Variants in IQCM observed in about 807,000 individuals in gnomAD.
IQCM encodes the protein IQ domain-containing protein M.
Under a neutral mutation model 57.6 loss-of-function variants are expected in IQCM, and 45 were observed. That is an observed-to-expected ratio of 0.78 (90% CI 0.62 to 1.00). The LOEUF (loss-of-function observed/expected upper bound fraction) is 1.00. Among genes scored for constraint, IQCM ranks in the 50% least tolerant of loss-of-function variants. The pLI is 0.00. For synonymous variants in IQCM, 148 were observed against 158.9 expected, an observed-to-expected ratio of 0.93 and a Z score of 0.51; for missense variants, 468 against 511.6, an observed-to-expected ratio of 0.91 and a Z score of 0.82.
At chr4:149,649,358 T>G (rs937749003) in intron 7 of IQCM, among the ~76,000 whole-genome samples, 5 of 152,048 alleles carry the variant, frequency 3.3e-5, no homozygotes, top group Admixed American at 6.6e-5. Flanking sequence ...CTGTTTCCCT[T>G]ACCTGCATGC....
At chr4:149,696,071 T>C (rs143194854) in intron 5 of IQCM, among the ~76,000 whole-genome samples, 122 of 152,278 alleles carry the variant, frequency 8.0e-4, no homozygotes, top group Non-Finnish European at 1.4e-3. Context: ...TCTCCACACT[T>C]CATAACAAAA....
chr4:149,436,768 T>C (rs1455741975), intron 12 of IQCM, among the ~76,000 whole-genome samples: 1 of 152,094 alleles, frequency 6.6e-6, no homozygotes, highest in African/African-American at 2.4e-5. Flanking sequence ...GATGTAGCAA[T>C]ACACTACTCT....
At chr4:149,470,719 G>T (rs534442364) in intron 12 of IQCM, among the ~76,000 whole-genome samples, 13 of 152,028 alleles carry the variant, frequency 8.6e-5, no homozygotes, top group African/African-American at 3.1e-4. Flanking sequence ...CCACATAGTC[G>T]GAAGTAAAGC....
intron 2 of IQCM, among the ~76,000 whole-genome samples, chr4:149,760,057 G>T (rs570793422): frequency 6.6e-6 from 1 of 151,642 alleles, no homozygotes; most frequent in East Asian, 1.9e-4. Flanking sequence ...AGGGACGGAG[G>T]AATATTAGGA....
chr4:149,519,513 T>C (rs1026330903), intron 12 of IQCM, among the ~76,000 whole-genome samples: 1 of 151,082 alleles, frequency 6.6e-6, no homozygotes, highest in African/African-American at 2.4e-5. Context: ...TCCCAGCTAA[T>C]TGGGAGGCTG....
rs186451537 is a variant in IQCM at position 149,360,616 on chromosome 4, T to G, written c.1391-8550A>C. Among the ~76,000 whole-genome samples the G allele has an allele frequency of 2.6e-3, 401 of 152,272 alleles. 4 individuals carry two copies. Among genetic ancestry groups the G allele is most frequent in the African/African-American group, 9.2e-3 (383 of 41,550 alleles). ...TCTTTCCTGTGCTATTCTCATGATA[T>G]TGAATAAGTATCATGAGATCTGATA... On this transcript the variant is annotated intron_variant, in intron 13 of 13. Transcript: ENST00000636793.
intron 13 of IQCM, among the ~76,000 whole-genome samples, chr4:149,389,824 T>A (rs1193371893): frequency 3.3e-5 from 5 of 151,922 alleles, no homozygotes; most frequent in Admixed American, 6.6e-5. Context: ...ACCTGCACAT[T>A]GTGCACATGT....
chr4:149,737,446 G>A (rs1471400064), intron 3 of IQCM, among the ~76,000 whole-genome samples: 2 of 152,216 alleles, frequency 1.3e-5, no homozygotes, highest in Non-Finnish European at 2.9e-5. Context: ...TTAATGGTAA[G>A]AACTTGGTAG....
intron 9 of IQCM, among the ~76,000 whole-genome samples, chr4:149,567,121 C>A (rs576832160): frequency 3.3e-5 from 5 of 152,060 alleles, no homozygotes; most frequent in Non-Finnish European, 7.4e-5. Context: ...CAAAAAGTTC[C>A]TTTTATCACA....
chr4:149,621,930 C>T (rs985360156), intron 7 of IQCM, among the ~76,000 whole-genome samples: 1 of 152,094 alleles, frequency 6.6e-6, no homozygotes, highest in East Asian at 1.9e-4. Context: ...AAACTATTTT[C>T]ATATTTCCAA....
At chr4:149,404,124 T>G (rs551659724) in intron 13 of IQCM, among the ~76,000 whole-genome samples, 3 of 151,984 alleles carry the variant, frequency 2.0e-5, no homozygotes, top group African/African-American at 7.2e-5. Flanking sequence ...AACTCTCACC[T>G]CTTGGGAGCA....
intron 7 of IQCM, among the ~76,000 whole-genome samples, chr4:149,647,113 C>T (rs1322042096): frequency 2.0e-5 from 3 of 151,964 alleles, no homozygotes; most frequent in African/African-American, 4.8e-5. Flanking sequence ...GTTTGAAACC[C>T]GCTGCTAGTC....
intron 2 of IQCM, among the ~76,000 whole-genome samples, chr4:149,777,024 G>A (rs1247468075): frequency 6.6e-6 from 1 of 151,980 alleles, no homozygotes; most frequent in African/African-American, 2.4e-5. Flanking sequence ...AGTTGTATAA[G>A]GTTTTTATGT....
At chr4:149,688,165 T>G (rs1395285218) in intron 5 of IQCM, among the ~76,000 whole-genome samples, 28 of 152,102 alleles carry the variant, frequency 1.8e-4, no homozygotes, top group Admixed American at 1.7e-3. Context: ...AAACTGTCAC[T>G]GTTTGCTGAA....
chr4:149,368,820 A>G lies in IQCM; in HGVS notation c.1391-16754T>C, dbSNP rs1352338296. Reference sequence around the variant, plus strand: ...CATATATATACATGTATATATATACATATATATACATGTATATATATACAT... The same window carrying G: ...CATATATATACATGTATATATATACGTATATATACATGTATATATATACAT... On this transcript the variant is annotated intron_variant, in intron 13 of 13. Coordinates refer to ENST00000636793, the MANE Select transcript of IQCM (RefSeq NM_001363507.2). Among the ~76,000 whole-genome samples, 8 of 89,044 alleles carry G rather than the reference A, an allele frequency of 9.0e-5. 1 individual carries two copies. Among genetic ancestry groups the G allele is most frequent in the East Asian group, 3.2e-4 (1 of 3,132 alleles). 58.4% of individuals were successfully genotyped at this position (89,044 alleles called of 152,430 possible). A position where few individuals can be genotyped will look rare whatever the true frequency, so the allele number is the denominator to read the frequency against.
At chr4:149,565,371 A>G (rs1750522614) in intron 9 of IQCM, among the ~76,000 whole-genome samples, 2 of 152,214 alleles carry the variant, frequency 1.3e-5, no homozygotes, top group African/African-American at 4.8e-5. Context: ...AATGTGGAGT[A>G]TGATTTTGAT....
intron 8 of IQCM, among the ~76,000 whole-genome samples, chr4:149,603,709 A>C: frequency 6.6e-6 from 1 of 152,220 alleles, no homozygotes; most frequent in Non-Finnish European, 1.5e-5. Context: ...ATTTCAGAGA[A>C]GAGGAATAGT....
At chr4:149,353,324 A>G (rs552765662) in intron 13 of IQCM, among the ~76,000 whole-genome samples, 1 of 152,274 alleles carries the variant, frequency 6.6e-6, no homozygotes, top group South Asian at 2.1e-4. Context: ...ACACTTATAC[A>G]CTATTGGTGG....
chr4:149,635,354 C>T (rs1757630894), intron 7 of IQCM, among the ~76,000 whole-genome samples: 7 of 152,190 alleles, frequency 4.6e-5, no homozygotes, highest in Admixed American at 4.6e-4. Context: ...TAGCTATCTT[C>T]TCAACTAGAA....
Sources: gnomAD v4.1 joint callset for allele counts (sites outside exome capture counted in the v4.1 genomes callset) on GRCh38, gnomAD v4.1.1 for gene constraint, MANE v1.5 for transcripts, NCBI Gene and HGNC (gene_info 2026-07-23, HGNC 2026-07-21) for gene names.